CSNK1G3: variants seen among roughly 807,000 people sequenced by gnomAD.
The protein encoded by CSNK1G3 is casein kinase 1 gamma 3.
CSNK1G3 carries 23 observed loss-of-function variants against 64.3 expected under a neutral mutation model. The ratio of observed to expected loss-of-function variants is 0.36; its 90% CI spans 0.26 to 0.51. The LOEUF is 0.51. Among genes scored for constraint, CSNK1G3 ranks in the 20% least tolerant of loss-of-function variants. The pLI is 0.96. For missense variants in CSNK1G3, 357 were observed against 510.5 expected (o/e 0.70, Z 2.90); for synonymous variants, 158 against 162.2 (o/e 0.97, Z 0.20).
At chr5:123,577,143 T>A (rs1789328592) in intron 6 of CSNK1G3, among the ~76,000 whole-genome samples, 1 of 152,122 alleles carries the variant, frequency 6.6e-6, no homozygotes, top group South Asian at 2.1e-4. Flanking sequence ...CTTTGAGTAC[T>A]TTCTTTCTTT....
At chr5:123,559,657 T>C (rs1057428218) in intron 4 of CSNK1G3, among the ~76,000 whole-genome samples, 5 of 152,090 alleles carry the variant, frequency 3.3e-5, no homozygotes, top group African/African-American at 1.2e-4. Context: ...TGTGGATATT[T>C]TTTAGTATTT....
At chr5:123,598,530 A>G (rs1793859489) in intron 10 of CSNK1G3, among the ~76,000 whole-genome samples, 1 of 152,158 alleles carries the variant, frequency 6.6e-6, no homozygotes. Context: ...GTAAAGAATC[A>G]GTGGGAGTTA....
chr5:123,551,774 A>G (rs1266538837), intron 2 of CSNK1G3, among the ~76,000 whole-genome samples: 1 of 152,068 alleles, frequency 6.6e-6, no homozygotes, highest in Non-Finnish European at 1.5e-5. Context: ...GACCAGGGCC[A>G]GTTACTCTCA....
intron 12 of CSNK1G3, among the ~76,000 whole-genome samples, chr5:123,610,633 T>C (rs1274475453): frequency 6.6e-6 from 1 of 152,214 alleles, no homozygotes; most frequent in East Asian, 1.9e-4. Context: ...TGTTGCCTAA[T>C]TGTATTTAAA....
chr5:123,566,874 T>C (rs972234241), intron 4 of CSNK1G3, among the ~76,000 whole-genome samples: 1 of 152,264 alleles, frequency 6.6e-6, no homozygotes, highest in Non-Finnish European at 1.5e-5. Context: ...AAATCACCAG[T>C]GCTTCCAGTA....
chr5:123,579,278 A>G (rs1434282673), intron 6 of CSNK1G3, among the ~76,000 whole-genome samples: 1 of 130,582 alleles, frequency 7.7e-6, no homozygotes, highest in Admixed American at 8.6e-5. Context: ...TGCCTGAAAA[A>G]TGTAAATTTG....
At chr5:123,593,948 A>G (rs543393656) in intron 10 of CSNK1G3, among the ~76,000 whole-genome samples, 1 of 152,194 alleles carries the variant, frequency 6.6e-6, no homozygotes, top group Admixed American at 6.5e-5. Flanking sequence ...AAAAGAAAGA[A>G]AAGAGTACTG....
intron 3 of CSNK1G3, among the ~76,000 whole-genome samples, chr5:123,554,547 C>G (rs1023220461): frequency 1.2e-4 from 19 of 152,186 alleles, no homozygotes. Context: ...TTAATCACAG[C>G]GGGGAGGCCT....
chr5:123,532,966 CT>C lies in CSNK1G3; in HGVS notation c.-247-12447del, dbSNP rs1000736988. On this transcript the variant is annotated intron_variant, in intron 1 of 12. Transcript: ENST00000345990. ...ATGAATTCTAAATAATAAGCATACA[CT>C]TTTCTCTTTGATACTATGTCAAATT... Among the ~76,000 whole-genome samples the C allele has an allele frequency of 2.0e-5, 3 of 151,814 alleles. No homozygotes were observed. In the South Asian group the frequency reaches 6.2e-4, roughly 31 times the overall value.
In CSNK1G3 at chr5:123,514,294, T is replaced by G. The variant is rs759463845; in HGVS notation, c.-248+1724T>G. ...CTTCTGCCATTCATCAGCTTAAACA[T>G]TAGTGTGTTATGTAATTATTGACAT... On this transcript the variant is annotated intron_variant, in intron 1 of 12. Transcript: ENST00000345990. Among the ~76,000 whole-genome samples, 27 of 152,194 alleles carry G rather than the reference T, an allele frequency of 1.8e-4. 1 individual carries two copies. The highest frequency in any genetic ancestry group is 3.8e-4 in the Non-Finnish European group (26 of 68,026).
At chr5:123,547,778 C>T (rs912425886) in intron 2 of CSNK1G3, among the ~76,000 whole-genome samples, 8 of 151,874 alleles carry the variant, frequency 5.3e-5, no homozygotes, top group Admixed American at 1.3e-4. Context: ...ATAATATGTA[C>T]GCATAGAGCT....
chr5:123,595,085 A>G (rs780318537), intron 10 of CSNK1G3: 2 of 1,613,720 alleles, frequency 1.2e-6, no homozygotes, highest in South Asian at 1.1e-5. Flanking sequence ...GCAAATCCCC[A>G]CCATTTGAGA....
chr5:123,513,118 A>G (rs1776540572), intron 1 of CSNK1G3, among the ~76,000 whole-genome samples: 1 of 152,014 alleles, frequency 6.6e-6, no homozygotes, highest in African/African-American at 2.4e-5. Flanking sequence ...GGACACAGGG[A>G]TTTACCTGTT....
chr5:123,550,528 A>G (rs373435124), intron 2 of CSNK1G3, among the ~76,000 whole-genome samples: 4 of 152,208 alleles, frequency 2.6e-5, no homozygotes, highest in African/African-American at 9.6e-5. Context: ...GAGAATGGCT[A>G]TTGGTGGGTA....
chr5:123,595,188 C>CT (rs534214380), intron 10 of CSNK1G3, 54 bp downstream of exon 11: 248 of 1,499,374 alleles, frequency 1.7e-4, no homozygotes, highest in South Asian at 7.9e-4. Context: ...ACAACTAACC[C>CT]TTTTTTTTGG....
chr5:123,518,729 G>A (rs1777599405), intron 1 of CSNK1G3, among the ~76,000 whole-genome samples: 1 of 152,156 alleles, frequency 6.6e-6, no homozygotes, highest in African/African-American at 2.4e-5. Flanking sequence ...TGCAATTGGT[G>A]TTGGGATCAC....
chr5:123,520,459 C>T (rs758476263), intron 1 of CSNK1G3, among the ~76,000 whole-genome samples: 2 of 150,160 alleles, frequency 1.3e-5, no homozygotes, highest in African/African-American at 4.9e-5. Flanking sequence ...TTATTTCTAC[C>T]ATCAGAAAAA....
At chr5:123,553,759 T>C (rs947647478) in intron 3 of CSNK1G3, among the ~76,000 whole-genome samples, 14 of 152,360 alleles carry the variant, frequency 9.2e-5, no homozygotes, top group Non-Finnish European at 1.9e-4. Context: ...CTAGGAATTA[T>C]TTTTGTAAGA....
chr5:123,544,610 C>A (rs1782225506), intron 1 of CSNK1G3, among the ~76,000 whole-genome samples: 1 of 152,176 alleles, frequency 6.6e-6, no homozygotes, highest in Admixed American at 6.6e-5. Context: ...TGTAAAGGTG[C>A]AGAATTACCA....
Sources: allele counts gnomAD v4.1 joint callset (sites outside exome capture counted in the v4.1 genomes callset), GRCh38; gene constraint gnomAD v4.1.1; transcripts MANE v1.5; gene names NCBI Gene and HGNC (gene_info 2026-07-23, HGNC 2026-07-21).